RPGRIP1: variants seen among roughly 807,000 people sequenced by gnomAD.
The protein encoded by RPGRIP1 is RPGR interacting protein 1, also known as X-linked retinitis pigmentosa GTPase regulator-interacting protein 1.
A neutral mutation model predicts 157.9 loss-of-function variants in RPGRIP1; 128 were observed. The observed-to-expected ratio is 0.81, with a 90% CI of 0.70 to 0.94. The LOEUF (loss-of-function observed/expected upper bound fraction) is 0.94. Ranked by LOEUF, RPGRIP1 falls within the 40% of genes least tolerant of loss-of-function variation. RPGRIP1 has a pLI of 0.00. For synonymous variants in RPGRIP1, 554 were observed against 571.6 expected, an observed-to-expected ratio of 0.97 and a Z score of 0.44; for missense variants, 1,486 against 1,545.8, an observed-to-expected ratio of 0.96 and a Z score of 0.65.
chr14:21,300,165 C>T (rs1320815031), intron 3 of RPGRIP1, among the ~76,000 whole-genome samples: 1 of 152,040 alleles, frequency 6.6e-6, no homozygotes, highest in Non-Finnish European at 1.5e-5. Context: ...TGTGGTTAGG[C>T]GTGGTGGCGC....
intron 10 of RPGRIP1, 91 bp downstream of exon 10, chr14:21,312,597 G>T: frequency 1.4e-6 from 1 of 705,612 alleles, no homozygotes. Flanking sequence ...TAAATATATG[G>T]GGAAATTGGT....
intron 22 of RPGRIP1, among the ~76,000 whole-genome samples, chr14:21,343,871 T>G (rs1480035514): frequency 4.7e-5 from 2 of 42,912 alleles, no homozygotes; most frequent in Admixed American, 2.3e-4. Flanking sequence ...TTCCTGTTTT[T>G]TTTTTTTTTT....
At chr14:21,318,746 AT>A (rs904519093) in intron 11 of RPGRIP1, among the ~76,000 whole-genome samples, 30 of 152,160 alleles carry the variant, frequency 2.0e-4, no homozygotes, top group Non-Finnish European at 3.8e-4. Flanking sequence ...AAGTGCTGGG[AT>A]TACAGGTGAA....
At chr14:21,333,601 G>C (rs1054861951) in intron 20 of RPGRIP1, among the ~76,000 whole-genome samples, 3 of 152,210 alleles carry the variant, frequency 2.0e-5, no homozygotes, top group African/African-American at 4.8e-5. Flanking sequence ...AGCTCAGCTA[G>C]GGGGCTGATG....
rs1273603972 is a variant in RPGRIP1, at chr14:21,325,327, G to A, written c.2311G>A (p.Ala771Thr). 6 of 1,606,074 alleles carry A rather than the reference G, an allele frequency of 3.7e-6. No homozygotes were observed. The highest frequency in any genetic ancestry group is 5.1e-6 in the Non-Finnish European group (6 of 1,176,238). The stretch of plus-strand genomic sequence containing the variant: ...ACAGGCGTGCAATAAACGAAAGAAA[G>A]CCCAGGTCTACCTGTCAACCGATGT... Reference protein sequence around the residue: ...SLQACNKRKKAQVYLSTDVLG... With the variant: ...SLQACNKRKKTQVYLSTDVLG... Residue 771 changes from alanine to threonine, a missense_variant, in exon 16 of 25, where the codon GCC becomes ACC. Transcript: ENST00000400017.
chr14:21,309,891 A>C (rs923735368), intron 7 of RPGRIP1, among the ~76,000 whole-genome samples: 1 of 151,910 alleles, frequency 6.6e-6, no homozygotes, highest in Non-Finnish European at 1.5e-5. Flanking sequence ...GGAGTTTGAG[A>C]CCAGCCTGGC....
intron 6 of RPGRIP1, among the ~76,000 whole-genome samples, chr14:21,306,618 C>G (rs1429435281): frequency 1.3e-5 from 2 of 150,804 alleles, no homozygotes; most frequent in African/African-American, 2.4e-5. Context: ...GCCACCATGC[C>G]CAGCTAATTT....
At chr14:21,312,527 C>T in intron 10 of RPGRIP1, 21 bp downstream of exon 10, 2 of 1,528,000 alleles carry the variant, frequency 1.3e-6, no homozygotes, top group Non-Finnish European at 9.0e-7. Context: ...CATTTGGGTC[C>T]CAGAGCAGTG....
At chr14:21,329,117 C>G (rs11852168) in intron 19 of RPGRIP1, among the ~76,000 whole-genome samples, 1 of 145,790 alleles carries the variant, frequency 6.9e-6, no homozygotes, top group East Asian at 2.0e-4. Context: ...GCACTCCAGC[C>G]TGAGCAACAA....
intron 20 of RPGRIP1, among the ~76,000 whole-genome samples, chr14:21,332,918 A>G (rs1455224671): frequency 6.6e-6 from 1 of 152,138 alleles, no homozygotes; most frequent in Non-Finnish European, 1.5e-5. Context: ...AGCCTGGCCA[A>G]CATGGTAAAA....
chr14:21,281,850 G>A (rs10152012), intron 1 of RPGRIP1, among the ~76,000 whole-genome samples: 40,116 of 151,348 alleles, frequency 0.27, 5,714 homozygotes, highest in Admixed American at 0.32. Flanking sequence ...ATCCCAGCAC[G>A]TTGGGAGACC....
At chr14:21,321,675 A>G (rs1882488626) in intron 13 of RPGRIP1, among the ~76,000 whole-genome samples, 179 bp from the exon 14 acceptor site, 1 of 152,158 alleles carries the variant, frequency 6.6e-6, no homozygotes, top group Non-Finnish European at 1.5e-5. Context: ...GAACCACCCT[A>G]CCTCAATGAT....
intron 4 of RPGRIP1, 135 bp from the exon 5 acceptor site, chr14:21,302,353 C>T (rs1881069739): frequency 1.2e-5 from 5 of 430,344 alleles, no homozygotes; most frequent in East Asian, 3.5e-5. Context: ...AACTGCTCCT[C>T]GGGGACCATT....
intron 1 of RPGRIP1, among the ~76,000 whole-genome samples, chr14:21,284,094 A>G (rs1017363743): frequency 1.3e-5 from 2 of 152,218 alleles, no homozygotes; most frequent in African/African-American, 4.8e-5. Context: ...TAAAAATGAA[A>G]TGTTACAGAA....
chr14:21,326,308 C>G, intron 17 of RPGRIP1, 135 bp downstream of exon 17: 1 of 616,500 alleles, frequency 1.6e-6, no homozygotes, highest in Non-Finnish European at 2.7e-6. Context: ...AGAATATTGT[C>G]AAGAGCAACA....
rs1400203918 is a variant in RPGRIP1 at position 21,348,427 on chromosome 14, AT to A, written c.3748+126del. On this transcript the variant is annotated intron_variant, in intron 24 of 24. Coordinates refer to ENST00000400017, the MANE Select transcript of RPGRIP1 (RefSeq NM_020366.4). ...AAGACACAAAGTGGATTGAAATCTT[AT>A]CCCTACAACTGTATTTATTTCTGGA... 9.1e-5 allele frequency: 68 copies of A among 750,984 alleles called. No individual in the cohort carries two copies. The Middle Eastern group carries it at 2.3e-3, about 26-fold the overall frequency. The allele number at this position is 750,984 out of a possible 1,614,324, so 46.5% of individuals were successfully genotyped here. A position where few individuals can be genotyped will look rare whatever the true frequency, so the allele number is the denominator to read the frequency against.
intron 21 of RPGRIP1, among the ~76,000 whole-genome samples, chr14:21,338,009 C>A (rs1053537610): frequency 2.0e-5 from 3 of 152,122 alleles, no homozygotes; most frequent in African/African-American, 7.2e-5. Flanking sequence ...CTCCGCCCCC[C>A]AGGTTCAAGC....
chr14:21,301,319 C>T, intron 4 of RPGRIP1, 82 bp downstream of exon 4: 3 of 1,394,344 alleles, frequency 2.2e-6, no homozygotes, highest in Non-Finnish European at 2.0e-6. Context: ...TCACTGCCTT[C>T]TTCTGCCCAC....
chr14:21,317,404 C>A (rs908452097), intron 10 of RPGRIP1: 27 of 592,692 alleles, frequency 4.6e-5, no homozygotes, highest in African/African-American at 9.2e-5. Context: ...AGTTCCCTGA[C>A]TAAAGAAAGC....
Sources: allele counts gnomAD v4.1 joint callset (sites outside exome capture counted in the v4.1 genomes callset), GRCh38; gene constraint gnomAD v4.1.1; transcripts MANE v1.5; gene names NCBI Gene and HGNC (gene_info 2026-07-23, HGNC 2026-07-21).